Variants in NOS1AP observed in about 807,000 individuals in gnomAD.
NOS1AP encodes the protein carboxyl-terminal PDZ ligand of neuronal nitric oxide synthase protein.
Under a neutral mutation model 56.2 loss-of-function variants are expected in NOS1AP, and 21 were observed. The observed-to-expected ratio is 0.37, with a 90% CI of 0.26 to 0.54. The LOEUF (loss-of-function observed/expected upper bound fraction) is 0.54, where lower values mean the gene tolerates loss of function less well. Ranked by LOEUF, NOS1AP falls within the 20% of genes least tolerant of loss-of-function variation. NOS1AP has a pLI of 0.84. For synonymous variants in NOS1AP, 270 were observed against 274.6 expected (o/e 0.98, Z 0.17); for missense variants, 522 against 657.8 (o/e 0.79, Z 2.26).
intron 1 of NOS1AP, among the ~76,000 whole-genome samples, chr1:162,087,419 T>C (rs1692027812): frequency 6.6e-6 from 1 of 152,132 alleles, no homozygotes; most frequent in Non-Finnish European, 1.5e-5. Flanking sequence ...CACTAATTTG[T>C]CTACTCTTTA....
At chr1:162,167,583 C>T (rs1022786230) in intron 2 of NOS1AP, among the ~76,000 whole-genome samples, 17 of 151,632 alleles carry the variant, frequency 1.1e-4, no homozygotes, top group African/African-American at 4.1e-4. Context: ...GGTGCCTGTG[C>T]AGCCCATTTC....
chr1:162,179,085 C>T (rs967423793), intron 2 of NOS1AP, among the ~76,000 whole-genome samples: 5 of 151,718 alleles, frequency 3.3e-5, no homozygotes, highest in Admixed American at 6.6e-5. Context: ...ATCTCCTGGA[C>T]CTGTGTGGCA....
At chr1:162,256,131 G>A (rs770715128) in intron 2 of NOS1AP, among the ~76,000 whole-genome samples, 1 of 151,880 alleles carries the variant, frequency 6.6e-6, no homozygotes, top group Non-Finnish European at 1.5e-5. Context: ...GCAACAGAGT[G>A]AGACTCTGTC....
At chr1:162,215,260 C>G (rs1414662293) in intron 2 of NOS1AP, among the ~76,000 whole-genome samples, 1 of 152,178 alleles carries the variant, frequency 6.6e-6, no homozygotes, top group Non-Finnish European at 1.5e-5. Context: ...GCCCCGGGGC[C>G]GAGTCTTTCT....
intron 4 of NOS1AP, among the ~76,000 whole-genome samples, chr1:162,323,129 C>T (rs1429116138): frequency 6.6e-6 from 1 of 152,152 alleles, no homozygotes; most frequent in Non-Finnish European, 1.5e-5. Flanking sequence ...ACCCTAAATC[C>T]AATGACCAGG....
chr1:162,256,525 G>A (rs1310765191), intron 2 of NOS1AP, among the ~76,000 whole-genome samples: 1 of 152,152 alleles, frequency 6.6e-6, no homozygotes, highest in African/African-American at 2.4e-5. Context: ...AACTGTCCTT[G>A]AACAACAGCA....
At position 162,100,082 on chromosome 1, in the gene NOS1AP, G is replaced by A. The variant is rs578148326; in HGVS notation, c.105+29800G>A. 2.2e-3 allele frequency among the ~76,000 whole-genome samples: 331 copies of A among 152,180 alleles called. 2 individuals carry two copies. The highest frequency in any genetic ancestry group is 4.3e-3 in the Admixed American group (65 of 15,282). On this transcript the variant is annotated intron_variant, in intron 1 of 9. Transcript: ENST00000361897. ...AGTCTTTGCTATTGTGAATAGTGCC[G>A]CAATAAGCATACGTGTGCATGTGTC...
At chr1:162,209,069 C>T (rs1297665626) in intron 2 of NOS1AP, among the ~76,000 whole-genome samples, 1 of 152,218 alleles carries the variant, frequency 6.6e-6, no homozygotes, top group Non-Finnish European at 1.5e-5. Flanking sequence ...TCAGATTACT[C>T]TCAAACAATT....
chr1:162,179,255 G>A (rs1313876409), intron 2 of NOS1AP, among the ~76,000 whole-genome samples: 9 of 152,076 alleles, frequency 5.9e-5, no homozygotes, highest in East Asian at 3.9e-4. Context: ...AAAATCTTAC[G>A]AAATAGATAT....
chr1:162,136,327 A>G (rs1649001130), intron 1 of NOS1AP, among the ~76,000 whole-genome samples: 1 of 152,134 alleles, frequency 6.6e-6, no homozygotes, highest in African/African-American at 2.4e-5. Flanking sequence ...GTATTTTATG[A>G]TATAGATCTA....
intron 4 of NOS1AP, among the ~76,000 whole-genome samples, chr1:162,329,632 C>T (rs1656702355): frequency 6.6e-6 from 1 of 152,052 alleles, no homozygotes; most frequent in Non-Finnish European, 1.5e-5. Flanking sequence ...CTCTACTCTC[C>T]CCCAATTTCT....
chr1:162,352,884 G>A (rs1322022203), intron 6 of NOS1AP, among the ~76,000 whole-genome samples: 1 of 152,118 alleles, frequency 6.6e-6, no homozygotes, highest in Non-Finnish European at 1.5e-5. Context: ...CTACTTGACT[G>A]TTACACAGAC....
chr1:162,104,563 G>A (rs1250335638), intron 1 of NOS1AP, among the ~76,000 whole-genome samples: 9 of 151,338 alleles, frequency 5.9e-5, no homozygotes, highest in Non-Finnish European at 1.3e-4. Context: ...CATAGGTTTG[G>A]TGTCTTTACA....
In NOS1AP at chr1:162,261,513, A is replaced by AGAGAGAG. The variant is rs1654227991; in HGVS notation, c.178-25830_178-25824dup. On this transcript the variant is annotated intron_variant, in intron 2 of 9. Coordinates refer to ENST00000361897, the MANE Select transcript of NOS1AP (RefSeq NM_014697.3). ...GAGAGAGAGAGAGAGAGAGAGAGAGAGAGAGAGAGAGAGAGAGAGAGAGAG... is the reference window on the plus strand; with the variant it reads ...GAGAGAGAGAGAGAGAGAGAGAGAGAGAGAGAGGAGAGAGAGAGAGAGAGAGAGAGAG... 9.3e-5 allele frequency among the ~76,000 whole-genome samples: 2 copies of AGAGAGAG among 21,610 alleles called. 1 individual carries two copies. The highest frequency in any genetic ancestry group is 2.8e-4 in the Non-Finnish European group (2 of 7,028). 14.2% of individuals were successfully genotyped at this position (21,610 alleles called of 152,430 possible).
intron 4 of NOS1AP, among the ~76,000 whole-genome samples, chr1:162,323,676 C>A (rs930519494): frequency 6.6e-6 from 1 of 152,194 alleles, no homozygotes; most frequent in Non-Finnish European, 1.5e-5. Flanking sequence ...AACTACTATG[C>A]GGCAGACCCT....
At chr1:162,187,393 A>T (rs1356652827) in intron 2 of NOS1AP, among the ~76,000 whole-genome samples, 1 of 152,162 alleles carries the variant, frequency 6.6e-6, no homozygotes. Flanking sequence ...ATTAATACAT[A>T]TATTTATTTA....
At chr1:162,155,360 G>GTA (rs1332711124) in intron 2 of NOS1AP, among the ~76,000 whole-genome samples, 32 of 79,990 alleles carry the variant, frequency 4.0e-4, no homozygotes, top group African/African-American at 1.2e-3. Context: ...ATATGTATGT[G>GTA]TATATATATA....
At chr1:162,300,911 G>A (rs1188266152) in intron 4 of NOS1AP, among the ~76,000 whole-genome samples, 1 of 152,128 alleles carries the variant, frequency 6.6e-6, no homozygotes, top group African/African-American at 2.4e-5. Context: ...CATTAAGGAA[G>A]CTATGAAGTA....
intron 1 of NOS1AP, among the ~76,000 whole-genome samples, chr1:162,117,331 C>T (rs771012939): frequency 5.9e-5 from 9 of 152,250 alleles, no homozygotes; most frequent in Admixed American, 2.0e-4. Context: ...TAATGGATTG[C>T]GGCCTGTGTC....
Sources: allele counts gnomAD v4.1 joint callset (sites outside exome capture counted in the v4.1 genomes callset), GRCh38; gene constraint gnomAD v4.1.1; transcripts MANE v1.5; gene names NCBI Gene and HGNC (gene_info 2026-07-23, HGNC 2026-07-21).